RPA1: variants seen among roughly 807,000 people sequenced by gnomAD.
The protein encoded by RPA1 is replication protein A 70 kDa DNA-binding subunit.
Under a neutral mutation model 83.0 loss-of-function variants are expected in RPA1, and 49 were observed. The observed-to-expected ratio is 0.59, with a 90% confidence interval of 0.47 to 0.75. The LOEUF is 0.75. Among genes scored for constraint, RPA1 ranks in the 30% least tolerant of loss-of-function variants. The probability of loss-of-function intolerance (pLI) is 0.00; values close to 1 mark genes in which losing one functional copy is unlikely to be tolerated. For missense variants in RPA1, 693 were observed against 776.1 expected (o/e 0.89, Z 1.27); for synonymous variants, 279 against 281.8 (o/e 0.99, Z 0.10).
intron 4 of RPA1, among the ~76,000 whole-genome samples, chr17:1,851,226 G>A (rs1009580220): frequency 1.3e-5 from 2 of 152,044 alleles, no homozygotes; most frequent in Non-Finnish European, 2.9e-5. Context: ...AATACCGTCC[G>A]TGTTGTATTT....
chr17:1,841,183 A>G (rs191114815), intron 1 of RPA1, among the ~76,000 whole-genome samples: 2 of 152,348 alleles, frequency 1.3e-5, no homozygotes, highest in African/African-American at 4.8e-5. Context: ...ATTCCACACC[A>G]GCCTTGTGTC....
In RPA1 at chr17:1,858,469, TC is replaced by T. The variant is rs1597435707; in HGVS notation, c.361+5281del. 4.2e-6 allele frequency: 5 copies of T among 1,188,000 alleles called. No individual in the cohort carries two copies. The East Asian group carries it at 1.2e-4, about 28-fold the overall frequency. 73.6% of individuals were successfully genotyped at this position (1,188,000 alleles called of 1,614,324 possible). ...CATCTTGGGTTCTGGTCTCTCTTTT[TC>T]TTTTTTTTTTTGAGACAGAGTCTTG... is the stretch of plus-strand genomic sequence containing the variant. On this transcript the variant is annotated intron_variant, in intron 5 of 16. Transcript: ENST00000254719.
At chr17:1,872,630 T>A in intron 6 of RPA1, 104 bp downstream of exon 6, 1 of 1,477,618 alleles carries the variant, frequency 6.8e-7, no homozygotes, top group Non-Finnish European at 9.2e-7. Flanking sequence ...ATGCCATTCA[T>A]TACAGGGTTG....
chr17:1,889,680 G>A (rs185356267), intron 14 of RPA1, among the ~76,000 whole-genome samples: 154 of 152,044 alleles, frequency 1.0e-3, no homozygotes, highest in Middle Eastern at 3.4e-3. Flanking sequence ...TTCAATGATA[G>A]AACTAGGCGA....
intron 13 of RPA1, among the ~76,000 whole-genome samples, chr17:1,886,089 G>A (rs1035483347): frequency 2.6e-5 from 4 of 152,056 alleles, no homozygotes; most frequent in Admixed American, 2.0e-4. Context: ...TCTCCATTGA[G>A]CTCTTGTGTG....
intron 5 of RPA1, among the ~76,000 whole-genome samples, chr17:1,865,779 C>T (rs1000722035): frequency 2.6e-5 from 4 of 152,150 alleles, no homozygotes; most frequent in African/African-American, 9.7e-5. Flanking sequence ...ACTATCGTGT[C>T]TTTTTCTCCT....
chr17:1,888,594 G>A (rs1914082128), intron 13 of RPA1, 81 bp from the exon 14 acceptor site: 1 of 1,408,442 alleles, frequency 7.1e-7, no homozygotes. Context: ...CTAAACGTAA[G>A]GGCAGGCTTT....
At chr17:1,895,299 G>C (rs76957189) in intron 16 of RPA1, among the ~76,000 whole-genome samples, 3 of 148,048 alleles carry the variant, frequency 2.0e-5, no homozygotes, top group Admixed American at 2.0e-4. Flanking sequence ...AAACAATGGC[G>C]GGGGGGTGGG....
At chr17:1,831,009 GC>G (rs2151263006) in intron 1 of RPA1, among the ~76,000 whole-genome samples, 1 of 152,062 alleles carries the variant, frequency 6.6e-6, no homozygotes, top group South Asian at 2.1e-4. Flanking sequence ...CAAGTTATCC[GC>G]CCGCCTCGGC....
At chr17:1,874,032 T>TATATATATATAC (rs1171343408) in intron 6 of RPA1, among the ~76,000 whole-genome samples, 20 of 79,258 alleles carry the variant, frequency 2.5e-4, no homozygotes, top group African/African-American at 1.2e-3. Context: ...TATATATATA[T>TATATATATATAC]ACACACACAC....
chr17:1,876,993 AGAAT>A (rs56031739), intron 7 of RPA1, among the ~76,000 whole-genome samples: 13 of 152,340 alleles, frequency 8.5e-5, no homozygotes, highest in African/African-American at 2.9e-4. Flanking sequence ...ATTTGACAGG[AGAAT>A]GAGTTAGTAT....
chr17:1,888,464 T>G (rs903542971), intron 13 of RPA1, among the ~76,000 whole-genome samples: 3 of 152,202 alleles, frequency 2.0e-5, no homozygotes, highest in African/African-American at 7.2e-5. Context: ...ACTTGGCTTA[T>G]TAGAACTTGG....
intron 1 of RPA1, among the ~76,000 whole-genome samples, chr17:1,831,366 G>GA (rs1488702109): frequency 6.6e-6 from 1 of 152,026 alleles, no homozygotes; most frequent in African/African-American, 2.4e-5. Context: ...CTCACGAAGT[G>GA]AAGTGTATTT....
intron 16 of RPA1, among the ~76,000 whole-genome samples, chr17:1,896,804 C>G (rs929389059): frequency 1.6e-4 from 25 of 152,202 alleles, no homozygotes; most frequent in African/African-American, 4.6e-4. Context: ...GAGAAACCCT[C>G]TAAAGTCCAT....
At chr17:1,891,713 A>T (rs1298016124) in intron 14 of RPA1, 120 bp from the exon 15 acceptor site, 2 of 654,542 alleles carry the variant, frequency 3.1e-6, no homozygotes, top group African/African-American at 3.7e-5. Flanking sequence ...AGCCCACTGC[A>T]CCTGGCCCTC....
intron 5 of RPA1, among the ~76,000 whole-genome samples, chr17:1,859,106 T>G (rs1427056607): frequency 1.3e-5 from 2 of 152,090 alleles, no homozygotes; most frequent in Non-Finnish European, 2.9e-5. Flanking sequence ...TTTTGCCGTG[T>G]TAGCCAGGCT....
At chr17:1,887,278 C>T (rs984018647) in intron 13 of RPA1, among the ~76,000 whole-genome samples, 1 of 152,132 alleles carries the variant, frequency 6.6e-6, no homozygotes, top group Non-Finnish European at 1.5e-5. Context: ...TCACTGTAGG[C>T]CAGGCGCGGT....
At chr17:1,887,604 A>G (rs1914041314) in intron 13 of RPA1, among the ~76,000 whole-genome samples, 1 of 150,388 alleles carries the variant, frequency 6.6e-6, no homozygotes, top group Admixed American at 6.6e-5. Context: ...ATAATGAAAA[A>G]GGGCCAGGCA....
chr17:1,891,719 C>T (rs931897403), intron 14 of RPA1, 114 bp from the exon 15 acceptor site: 6 of 684,924 alleles, frequency 8.8e-6, no homozygotes, highest in African/African-American at 3.6e-5. Flanking sequence ...CTGCACCTGG[C>T]CCTCTCTGGA....
Sources: allele counts gnomAD v4.1 joint callset (sites outside exome capture counted in the v4.1 genomes callset), GRCh38; gene constraint gnomAD v4.1.1; transcripts MANE v1.5; gene names NCBI Gene and HGNC (gene_info 2026-07-23, HGNC 2026-07-21).